CXADR: variants seen among roughly 807,000 people sequenced by gnomAD.
CXADR encodes coxsackievirus and adenovirus receptor.
CXADR carries 20 observed loss-of-function variants against 40.3 expected under a neutral mutation model. That is an observed-to-expected ratio of 0.50 (90% confidence interval 0.35 to 0.72). The LOEUF is 0.72. Among genes scored for constraint, CXADR ranks in the 30% least tolerant of loss-of-function variants. CXADR has a pLI of 0.01. For missense variants in CXADR, 332 were observed against 449.1 expected, an observed-to-expected ratio of 0.74 and a Z score of 2.36; for synonymous variants, 150 against 161.3, an observed-to-expected ratio of 0.93 and a Z score of 0.53.
the CXADR span, among the ~76,000 whole-genome samples, chr21:17,619,452 G>T: frequency 6.6e-6 from 1 of 152,168 alleles, no homozygotes; most frequent in Non-Finnish European, 1.5e-5. Flanking sequence ...AGCTGGGCAT[G>T]GTGATGCATG....
the CXADR span, among the ~76,000 whole-genome samples, chr21:17,607,617 A>G: frequency 6.6e-6 from 1 of 151,896 alleles, no homozygotes; most frequent in Non-Finnish European, 1.5e-5. Context: ...TCCTTTTTAG[A>G]CTCCTTGAAT....
chr21:17,602,113 G>T, the CXADR span, among the ~76,000 whole-genome samples: 1 of 150,846 alleles, frequency 6.6e-6, no homozygotes, highest in African/African-American at 2.4e-5. Context: ...ACAATCAATA[G>T]TATTTAACAC....
chr21:17,531,781 T>C (rs1007732029), intron 1 of CXADR, among the ~76,000 whole-genome samples: 1 of 136,244 alleles, frequency 7.3e-6, no homozygotes, highest in Non-Finnish European at 1.5e-5. Context: ...TTCAATCTCT[T>C]TTTGGTTTTT....
At chr21:17,586,616 A>G (rs1485159272) in intron 7 of CXADR, among the ~76,000 whole-genome samples, 3 of 151,636 alleles carry the variant, frequency 2.0e-5, no homozygotes, top group African/African-American at 7.3e-5. Context: ...CTATAGTTTC[A>G]TAACTTACGT....
chr21:17,568,075 A>C lies in CXADR; in HGVS notation c.*2383A>C. ...ACTACTGGTAATCAAGTAGTTGAAC[A>C]AAAAATTACTAAAGCATTTCCGTTA... is the stretch of plus-strand genomic sequence containing the variant. On this transcript the variant is annotated 3_prime_UTR_variant, in exon 7 of 7. Transcript: ENST00000284878. 1 of 985,326 alleles carries C rather than the reference A, an allele frequency of 1.0e-6. No individual in the cohort carries two copies. The highest frequency in any genetic ancestry group is 1.2e-6 in the Non-Finnish European group (1 of 829,918). The allele number at this position is 985,326 out of a possible 1,614,324, so 61.0% of individuals were successfully genotyped here.
In CXADR at chr21:17,517,156, A is replaced by G. The variant is rs112247272; in HGVS notation, c.43+3984A>G. Among the ~76,000 whole-genome samples, 492 of 152,326 alleles carry G rather than the reference A, an allele frequency of 3.2e-3. 3 individuals are homozygous for G. The highest frequency in any genetic ancestry group is 0.011 in the African/African-American group (477 of 41,570). ...TATTAGTTTGATGATGGGCCAGGAAATGATATATTTTCTAAATTTTATCCT... is the reference window on the plus strand; with the variant it reads ...TATTAGTTTGATGATGGGCCAGGAAGTGATATATTTTCTAAATTTTATCCT... On this transcript the variant is annotated intron_variant, in intron 1 of 6. Transcript: ENST00000284878.
intron 4 of CXADR, 60 bp downstream of exon 4, chr21:17,559,191 GGT>G (rs2061074608): frequency 2.4e-5 from 38 of 1,559,170 alleles, no homozygotes; most frequent in Admixed American, 3.4e-5. Flanking sequence ...ATCTAGTAGG[GGT>G]GTGTGTGTGA....
chr21:17,521,049 C>T, intron 1 of CXADR, among the ~76,000 whole-genome samples: 1 of 152,040 alleles, frequency 6.6e-6, no homozygotes, highest in Non-Finnish European at 1.5e-5. Context: ...TAGGTGGCGT[C>T]TGTATAAAGT....
chr21:17,586,183 GC>G (rs1386014494), intron 7 of CXADR, among the ~76,000 whole-genome samples: 1 of 151,670 alleles, frequency 6.6e-6, no homozygotes, highest in Non-Finnish European at 1.5e-5. Context: ...AATATTTTTA[GC>G]CATTTGTGTT....
At chr21:17,602,443 T>C in the CXADR span, among the ~76,000 whole-genome samples, 1 of 152,228 alleles carries the variant, frequency 6.6e-6, no homozygotes, top group Non-Finnish European at 1.5e-5. Flanking sequence ...AATTGTATAC[T>C]TGCTAGATCA....
chr21:17,592,505 G>GCTAA (rs1175799026), intron 7 of CXADR, among the ~76,000 whole-genome samples: 1 of 151,812 alleles, frequency 6.6e-6, no homozygotes, highest in African/African-American at 2.4e-5. Context: ...AATTCTGTCT[G>GCTAA]CTAACTTCAT....
chr21:17,522,871 A>C (rs1400451908), intron 1 of CXADR, among the ~76,000 whole-genome samples: 1 of 152,060 alleles, frequency 6.6e-6, no homozygotes, highest in African/African-American at 2.4e-5. Context: ...CTCTACACAC[A>C]CTTCCCACAG....
At chr21:17,626,123 T>C in the CXADR span, among the ~76,000 whole-genome samples, 1 of 152,204 alleles carries the variant, frequency 6.6e-6, no homozygotes, top group Non-Finnish European at 1.5e-5. Flanking sequence ...TTCCTATGCA[T>C]TTCCCCCTTT....
At chr21:17,625,200 A>G in the CXADR span, among the ~76,000 whole-genome samples, 4 of 150,914 alleles carry the variant, frequency 2.7e-5, no homozygotes, top group African/African-American at 9.8e-5. Flanking sequence ...TGAGTCCACG[A>G]AGTGTGAATT....
At chr21:17,552,370 G>A (rs1015253643) in intron 3 of CXADR, among the ~76,000 whole-genome samples, 3 of 152,108 alleles carry the variant, frequency 2.0e-5, no homozygotes, top group Non-Finnish European at 2.9e-5. Flanking sequence ...TTCAAGTAAG[G>A]CCATTAGGCA....
At chr21:17,556,134 C>T (rs1329366503) in intron 3 of CXADR, among the ~76,000 whole-genome samples, 2 of 152,188 alleles carry the variant, frequency 1.3e-5, no homozygotes, top group African/African-American at 4.8e-5. Context: ...CTGAGGACAG[C>T]GGCCAGTATG....
chr21:17,621,149 T>C, the CXADR span, among the ~76,000 whole-genome samples: 1 of 152,210 alleles, frequency 6.6e-6, no homozygotes, highest in East Asian at 1.9e-4. Context: ...GTGGGCACCA[T>C]AGCTTAGCCA....
intron 7 of CXADR, among the ~76,000 whole-genome samples, chr21:17,590,488 A>G (rs1334698803): frequency 2.0e-5 from 3 of 152,094 alleles, no homozygotes; most frequent in East Asian, 1.9e-4. Flanking sequence ...GGTTTCTGCA[A>G]TGAATAAAAT....
intron 7 of CXADR, among the ~76,000 whole-genome samples, chr21:17,578,865 A>G (rs1164239725): frequency 2.6e-5 from 4 of 152,126 alleles, no homozygotes; most frequent in Non-Finnish European, 4.4e-5. Flanking sequence ...CATTTTGCAT[A>G]TACCTGTCTC....
Sources: gnomAD v4.1 joint callset for allele counts (sites outside exome capture counted in the v4.1 genomes callset) on GRCh38, gnomAD v4.1.1 for gene constraint, MANE v1.5 for transcripts, NCBI Gene and HGNC (gene_info 2026-07-23, HGNC 2026-07-21) for gene names.